SHBG: variants seen among roughly 807,000 people sequenced by gnomAD.
SHBG encodes the protein sex hormone binding globulin.
SHBG carries 37 observed loss-of-function variants against 41.9 expected under a neutral mutation model. The ratio of observed to expected loss-of-function variants is 0.88; its 90% CI spans 0.68 to 1.16. The LOEUF is 1.16. Among genes scored for constraint, SHBG ranks in the 50% most tolerant of loss-of-function variants. SHBG has a pLI of 0.00. For synonymous variants in SHBG, 217 were observed against 205.8 expected (o/e 1.05, Z -0.47); for missense variants, 466 against 499.9 (o/e 0.93, Z 0.65).
upstream of SHBG, among the ~76,000 whole-genome samples, chr17:7,623,609 C>T (rs1413908979): frequency 1.3e-5 from 2 of 151,906 alleles, no homozygotes; most frequent in Non-Finnish European, 1.5e-5. Context: ...AGGCATTTGC[C>T]ACCAAGCTCG....
intron 1 of SHBG, among the ~76,000 whole-genome samples, chr17:7,617,638 C>T (rs1260167937): frequency 6.6e-6 from 1 of 151,344 alleles, no homozygotes; most frequent in South Asian, 2.1e-4. Flanking sequence ...TAAATAAAGG[C>T]GATAGAAGAA....
chr17:7,631,258 T>G lies in SHBG; in HGVS notation c.452T>G (p.Leu151Arg). 6 of 1,609,628 alleles carry G rather than the reference T, an allele frequency of 3.7e-6. No individual in the cohort carries two copies. The highest frequency in any genetic ancestry group is 5.1e-6 in the Non-Finnish European group (6 of 1,178,012). The change falls in exon 4 of 8, where the codon CTG becomes CGG. Residue 151 changes from leucine (L) to arginine (R), a missense_variant. Leu to Arg is a moderately radical substitution (Grantham distance 102). Coordinates refer to ENST00000380450, the MANE Select transcript of SHBG (RefSeq NM_001040.5). The stretch of plus-strand genomic sequence containing the variant: ...CTGGAGGTGGATGGGGAGGAGGTGC[T>G]GCGCCTGAGACAGGTCTCTGGGCCC... ...VLLEVDGEEV[L>R]RLRQVSGPLT...
rs555776014 is a variant in SHBG, at chr17:7,617,860, G to C, written c.-62+3749G>C. On this transcript the variant is annotated intron_variant, in intron 1 of 5. Transcript: ENST00000570547. ...GCACTTTGCGAGGCTGAAGCAGGCA[G>C]ATCACTTGAGCTCGGGCGTTCAGGA... Among the ~76,000 whole-genome samples the C allele has an allele frequency of 6.6e-5, 10 of 152,304 alleles. No homozygotes were observed. The South Asian group carries it at 2.1e-3, about 32-fold the overall frequency.
In SHBG at chr17:7,632,793, G is replaced by T; in HGVS notation, c.894G>T (p.Leu298=). The change falls in exon 7 of 8, where the codon CTG becomes CTT. Residue 298 remains leucine, a synonymous_variant. Transcript: ENST00000380450. ...LSSGSGPGLD[L]PLVLGLPLQL... Reference sequence around the variant, plus strand: ...CTGGGTCGGGGCCAGGGCTGGATCTGCCCCTGGTCTTGGGACTCCCTCTTC... The same window carrying T: ...CTGGGTCGGGGCCAGGGCTGGATCTTCCCCTGGTCTTGGGACTCCCTCTTC... 6.2e-7 allele frequency: 1 copy of T among 1,614,086 alleles called. No homozygotes were observed.
chr17:7,623,495 G>T (rs1033611969), upstream of SHBG, among the ~76,000 whole-genome samples: 1 of 152,178 alleles, frequency 6.6e-6, no homozygotes, highest in African/African-American at 2.4e-5. Context: ...GCTTTGCTCT[G>T]TCACCCAGGC....
chr17:7,631,135 C>G, intron 3 of SHBG, 65 bp from the exon 4 acceptor site: 1 of 1,449,288 alleles, frequency 6.9e-7, no homozygotes, highest in Non-Finnish European at 9.2e-7. Flanking sequence ...TACTAGGCTG[C>G]CTCACAGGAA....
intron 1 of SHBG, among the ~76,000 whole-genome samples, chr17:7,621,557 T>A (rs1469666517): frequency 1.0e-5 from 1 of 98,568 alleles, no homozygotes; most frequent in African/African-American, 4.0e-5. Context: ...GCCAAGATCA[T>A]GCCACTACAC....
intron 1 of SHBG, among the ~76,000 whole-genome samples, chr17:7,618,769 G>A (rs988167945): frequency 6.6e-6 from 1 of 152,162 alleles, no homozygotes; most frequent in Admixed American, 6.5e-5. Context: ...GTCAACACAA[G>A]AGAGAGGCAA....
upstream of SHBG, chr17:7,626,936 C>T (rs2072228954): frequency 6.2e-7 from 1 of 1,613,268 alleles, no homozygotes; most frequent in Non-Finnish European, 8.5e-7. Flanking sequence ...CAGCTTCTGC[C>T]CAGTACCCCG....
At chr17:7,632,330 G>C (rs2072446069) in intron 6 of SHBG, among the ~76,000 whole-genome samples, 1 of 151,706 alleles carries the variant, frequency 6.6e-6, no homozygotes, top group South Asian at 2.1e-4. Context: ...TGCTGCCCTA[G>C]CTATTTAGGA....
chr17:7,626,189 CA>C (rs370938874), upstream of SHBG: 102,988 of 232,718 alleles, frequency 0.44, 14,045 homozygotes, highest in African/African-American at 0.67. Flanking sequence ...GACTCTGTCT[CA>C]AAAAAAAAAA....
intron 1 of SHBG, chr17:7,614,562 C>A (rs1209295753): frequency 1.4e-6 from 2 of 1,403,750 alleles, no homozygotes; most frequent in Non-Finnish European, 9.3e-7. Context: ...ACTCCCCCGG[C>A]GGCGGCTGCA....
rs1444178830 is a variant in SHBG, at chr17:7,632,785, C to G, written c.886C>G (p.Leu296Val). Residue 296 changes from leucine to valine, a missense_variant, in exon 7 of 8, where the codon CTG becomes GTG. Leu to Val is a conservative substitution (Grantham distance 32). Transcript: ENST00000380450. ...GTTGTCTTCTGGGTCGGGGCCAGGG[C>G]TGGATCTGCCCCTGGTCTTGGGACT... ...VVLSSGSGPGLDLPLVLGLPL... is the reference protein window; with the variant it reads ...VVLSSGSGPGVDLPLVLGLPL... 3 of 1,613,992 alleles carry G rather than the reference C, an allele frequency of 1.9e-6. No homozygotes were observed. Among genetic ancestry groups the G allele is most frequent in the South Asian group, 1.1e-5 (1 of 91,076 alleles).
chr17:7,630,378 G>T lies in SHBG; in HGVS notation c.112-38G>T, dbSNP rs755123035. The T allele has an allele frequency of 6.3e-7, 1 of 1,599,356 alleles. No homozygotes were observed. The highest frequency in any genetic ancestry group is 8.6e-7 in the Non-Finnish European group (1 of 1,166,736). On this transcript the variant is annotated intron_variant, in intron 1 of 7. Coordinates refer to ENST00000380450, the MANE Select transcript of SHBG (RefSeq NM_001040.5). The surrounding 1 kb of genome is among the most constrained non-coding windows in gnomAD (Gnocchi z 4.6). Reference sequence around the variant, plus strand: ...CTCTCCCTCTGTCTGTCTCTGACATGTCCCTACTCAGCTTTGTTTGTTTTC... The same window carrying T: ...CTCTCCCTCTGTCTGTCTCTGACATTTCCCTACTCAGCTTTGTTTGTTTTC...
upstream of SHBG, chr17:7,626,645 G>C (rs565876597): frequency 8.6e-4 from 1,392 of 1,610,610 alleles, 22 homozygotes; most frequent in South Asian, 0.014. Flanking sequence ...AACTTTTCTG[G>C]GGTCAAAAAA....
chr17:7,614,231 A>G, intron 1 of SHBG: 1 of 686,778 alleles, frequency 1.5e-6, no homozygotes, highest in South Asian at 1.5e-5. Flanking sequence ...TCTCCCGGAG[A>G]TGGGGGTAGA....
chr17:7,631,107 A>G (rs1246992430), intron 3 of SHBG, 93 bp from the exon 4 acceptor site: 3 of 1,304,420 alleles, frequency 2.3e-6, no homozygotes, highest in Non-Finnish European at 3.1e-6. Context: ...TCTTTAAGGC[A>G]TGTTCTTTCC....
upstream of SHBG, chr17:7,627,656 A>G (rs1303792232): frequency 2.5e-6 from 4 of 1,613,696 alleles, no homozygotes; most frequent in Non-Finnish European, 3.4e-6. This position sits in a 1 kb window ranked among gnomAD's most constrained non-coding sequence, Gnocchi z 4.8. Context: ...GCTGTCTGGG[A>G]CCAAAGTCCC....
chr17:7,616,329 A>C (rs1310309218), intron 1 of SHBG, among the ~76,000 whole-genome samples: 2 of 132,058 alleles, frequency 1.5e-5, no homozygotes, highest in Admixed American at 7.8e-5. Flanking sequence ...TAATAATGGC[A>C]GGGCGCGGTG....
Sources: allele counts gnomAD v4.1 joint callset (sites outside exome capture counted in the v4.1 genomes callset), GRCh38; gene constraint gnomAD v4.1.1; non-coding constraint Gnocchi (gnomAD v3.1); transcripts MANE v1.5; gene names NCBI Gene and HGNC (gene_info 2026-07-23, HGNC 2026-07-21).